The following CSMD1 variants were observed in gnomAD, a reference collection of about 807,000 sequenced individuals.
The protein encoded by CSMD1 is CUB and sushi domain-containing protein 1.
In CSMD1, 213 loss-of-function variants were observed where a neutral mutation model predicts 417.5. That is an observed-to-expected ratio of 0.51 (90% CI 0.46 to 0.57). The LOEUF is 0.57. Among genes scored for constraint, CSMD1 ranks in the 20% least tolerant of loss-of-function variants. The pLI, the probability that CSMD1 is intolerant of heterozygous loss-of-function variation, is 0.00. For missense variants in CSMD1, 6,923 were observed against 4,529.7 expected (o/e 1.53, Z -15.17); for synonymous variants, 2,862 against 1,736.8 (o/e 1.65, Z -16.11).
intron 10 of CSMD1, among the ~76,000 whole-genome samples, chr8:3,560,445 G>C (rs1247017684): frequency 6.6e-6 from 1 of 152,120 alleles, no homozygotes; most frequent in Admixed American, 6.5e-5. Flanking sequence ...GTCAAGATGG[G>C]ATCCCAGGTC....
intron 41 of CSMD1, among the ~76,000 whole-genome samples, chr8:3,124,113 T>G (rs1817362813): frequency 6.6e-6 from 1 of 152,066 alleles, no homozygotes; most frequent in Admixed American, 6.6e-5. Context: ...CTTTTCTCAA[T>G]GGCAACAAAA....
chr8:3,878,323 A>G (rs977710051), intron 5 of CSMD1, among the ~76,000 whole-genome samples: 46 of 152,164 alleles, frequency 3.0e-4, no homozygotes, highest in African/African-American at 1.1e-3. Flanking sequence ...TCTCTACACT[A>G]TTCTTTAAAA....
chr8:4,925,490 G>C (rs888376443), intron 1 of CSMD1, among the ~76,000 whole-genome samples: 7 of 151,238 alleles, frequency 4.6e-5, no homozygotes, highest in Admixed American at 1.3e-4. Context: ...GTAATTTCTA[G>C]TCTTGTGTTC....
chr8:3,199,735 C>G lies in CSMD1; in HGVS notation c.5173G>C (p.Gly1725Arg). The G allele has an allele frequency of 6.3e-7, 1 of 1,587,500 alleles. No individual in the cohort carries two copies. Among genetic ancestry groups the G allele is most frequent in the Non-Finnish European group, 8.6e-7 (1 of 1,166,484 alleles). ...TTACCTTGATACACGAAGTGGAAGCCGCGGGCAGAGGCACCGCTCTTTGCA... is the reference window on the plus strand; with the variant it reads ...TTACCTTGATACACGAAGTGGAAGCGGCGGGCAGAGGCACCGCTCTTTGCA... Reference protein sequence around the residue: ...FSAKSGASARGFHFVYQAVPR... With the variant: ...FSAKSGASARRFHFVYQAVPR... The change falls in exon 33 of 70, where the codon GGC becomes CGC. Residue 1725 changes from glycine (G) to arginine (R), a missense_variant. Gly to Arg is a moderately radical substitution (Grantham distance 125, BLOSUM62 -2). Transcript: ENST00000635120.
At chr8:4,787,726 C>T (rs1391533951) in intron 1 of CSMD1, 43 of 1,589,376 alleles carry the variant, frequency 2.7e-5, no homozygotes, top group Non-Finnish European at 3.7e-5. Context: ...TAATGACCCA[C>T]AGTGGTCTGA....
chr8:3,891,240 G>A (rs749311243), intron 5 of CSMD1, among the ~76,000 whole-genome samples: 1 of 151,856 alleles, frequency 6.6e-6, no homozygotes, highest in African/African-American at 2.4e-5. Context: ...GTAAAGATGG[G>A]TTTTTGCCAT....
chr8:4,170,712 G>T (rs1433129848), intron 3 of CSMD1, among the ~76,000 whole-genome samples: 2 of 151,654 alleles, frequency 1.3e-5, no homozygotes. Flanking sequence ...GATATAGCTA[G>T]CATGTGGATT....
intron 3 of CSMD1, among the ~76,000 whole-genome samples, chr8:4,388,581 A>T (rs942522626): frequency 2.6e-5 from 4 of 152,002 alleles, no homozygotes; most frequent in African/African-American, 9.7e-5. Flanking sequence ...TGGATAAAAG[A>T]CTGCAAATAG....
chr8:3,698,369 T>C (rs1244009707), intron 7 of CSMD1, among the ~76,000 whole-genome samples: 1 of 152,244 alleles, frequency 6.6e-6, no homozygotes, highest in Non-Finnish European at 1.5e-5. Context: ...TTATTACATT[T>C]TATGATGGAG....
Position 4,589,580 on chromosome 8 carries a change from G to A in CSMD1, c.302+47762C>T, listed in dbSNP as rs141484917. On this transcript the variant is annotated intron_variant, in intron 2 of 69. Coordinates refer to ENST00000635120, the MANE Select transcript of CSMD1 (RefSeq NM_033225.6). ...ATGTCGACTCTATAATATGGGACTT[G>A]CTTGCATTATTAATTGCTAACTCAT... Among the ~76,000 whole-genome samples the A allele has an allele frequency of 2.3e-3, 347 of 152,264 alleles. 1 individual carries two copies. The highest frequency in any genetic ancestry group is 8.1e-3 in the African/African-American group (335 of 41,554).
intron 7 of CSMD1, among the ~76,000 whole-genome samples, chr8:3,687,983 A>T (rs1800033723): frequency 6.6e-6 from 1 of 152,158 alleles, no homozygotes; most frequent in Admixed American, 6.5e-5. Context: ...GCTTATCTGA[A>T]TTTTAAGGCT....
At chr8:4,792,236 C>T (rs902484131) in intron 1 of CSMD1, among the ~76,000 whole-genome samples, 1 of 152,088 alleles carries the variant, frequency 6.6e-6, no homozygotes, top group Non-Finnish European at 1.5e-5. Context: ...ATGTATAGAA[C>T]TGAAAAATAA....
chr8:4,776,459 G>A (rs957879964), intron 1 of CSMD1, among the ~76,000 whole-genome samples: 7 of 152,018 alleles, frequency 4.6e-5, no homozygotes, highest in East Asian at 1.9e-4. Context: ...GGCAGCACTC[G>A]GGCTCAGAGA....
intron 2 of CSMD1, among the ~76,000 whole-genome samples, chr8:4,611,975 T>G (rs182837453): frequency 6.6e-6 from 1 of 152,172 alleles, no homozygotes; most frequent in African/African-American, 2.4e-5. Flanking sequence ...TGTGTTTTTT[T>G]CCTCCTAAGT....
intron 1 of CSMD1, among the ~76,000 whole-genome samples, chr8:4,683,227 G>C (rs1259952440): frequency 6.6e-6 from 1 of 151,940 alleles, no homozygotes; most frequent in Non-Finnish European, 1.5e-5. Context: ...ACCATGAAGA[G>C]TCTAATGATC....
At chr8:3,766,915 G>C (rs77040314) in intron 5 of CSMD1, among the ~76,000 whole-genome samples, 1,829 of 152,190 alleles carry the variant, frequency 0.012, 44 homozygotes, top group African/African-American at 0.041. Flanking sequence ...TCAGTCAGCT[G>C]GTAAGATATC....
chr8:4,352,939 G>A (rs1486707329), intron 3 of CSMD1, among the ~76,000 whole-genome samples: 1 of 152,170 alleles, frequency 6.6e-6, no homozygotes, highest in Non-Finnish European at 1.5e-5. Context: ...AAGTAAATAC[G>A]AGCTTGTAGG....
At chr8:4,529,982 C>T (rs1465870782) in intron 2 of CSMD1, among the ~76,000 whole-genome samples, 2 of 151,676 alleles carry the variant, frequency 1.3e-5, no homozygotes, top group Non-Finnish European at 2.9e-5. Context: ...TGGCGAGATC[C>T]CGGCTCACTG....
intron 37 of CSMD1, among the ~76,000 whole-genome samples, chr8:3,170,398 C>T (rs1563106845): frequency 6.6e-6 from 1 of 152,034 alleles, no homozygotes; most frequent in Non-Finnish European, 1.5e-5. Context: ...TTAGTAGAGA[C>T]GGGGTTTCAC....
Sources: gnomAD v4.1 joint callset for allele counts (sites outside exome capture counted in the v4.1 genomes callset) on GRCh38, gnomAD v4.1.1 for gene constraint, MANE v1.5 for transcripts, NCBI Gene and HGNC (gene_info 2026-07-23, HGNC 2026-07-21) for gene names.